The following PRSS37 variants were observed in gnomAD, a reference collection of about 807,000 sequenced individuals.
PRSS37 encodes the protein serine protease 37, also known as probable inactive serine protease 37.
Under a neutral mutation model 28.0 loss-of-function variants are expected in PRSS37, and 25 were observed. The ratio of observed to expected loss-of-function variants is 0.89; its 90% confidence interval spans 0.65 to 1.25. The LOEUF is 1.25. PRSS37 is among the 50% of genes most tolerant of loss of function. PRSS37 has a pLI of 0.00. For missense variants in PRSS37, 282 were observed against 292.2 expected, an observed-to-expected ratio of 0.97 and a Z score of 0.25; for synonymous variants, 109 against 107.8, an observed-to-expected ratio of 1.01 and a Z score of -0.07.
At chr7:141,837,748 T>C (rs1303904894) in intron 3 of PRSS37, 112 bp downstream of exon 3, 12 of 1,547,314 alleles carry the variant, frequency 7.8e-6, no homozygotes, top group South Asian at 1.2e-5. Flanking sequence ...AGCATCTCTA[T>C]TGGGTCTCCT....
intron 1 of PRSS37, among the ~76,000 whole-genome samples, chr7:141,840,343 T>C (rs1801113838): frequency 6.6e-6 from 1 of 152,204 alleles, no homozygotes; most frequent in Non-Finnish European, 1.5e-5. Flanking sequence ...CTCTTGCTAC[T>C]CCTGTTAACC....
In PRSS37 at chr7:141,836,459, A is replaced by G. The variant is rs367716414; in HGVS notation, c.644T>C (p.Val215Ala). 6.2e-7 allele frequency: 1 copy of G among 1,609,412 alleles called. No individual in the cohort carries two copies. Among genetic ancestry groups the G allele is most frequent in the East Asian group, 2.2e-5 (1 of 44,638 alleles). ...TTTGTAAACATTGGTGTAGATGCCG[A>G]CGTCCCCTCCCATGAAGTGCCCCAC... ...IEVGHFMGGD[V>A]GIYTNVYKYV... The change falls in exon 5 of 5, where the codon GTC becomes GCC. Residue 215 changes from valine (V) to alanine (A), a missense_variant. By Grantham distance (64) the Val-to-Ala change is moderately conservative (BLOSUM62 0). Transcript: ENST00000350549.
Position 141,838,076 on chromosome 7 carries a change from C to A in PRSS37, c.214G>T (p.Val72Phe). 3 of 1,614,090 alleles carry A rather than the reference C, an allele frequency of 1.9e-6. No homozygotes were observed. Among genetic ancestry groups the A allele is most frequent in the Non-Finnish European group, 2.5e-6 (3 of 1,180,034 alleles). The change falls in exon 3 of 5, where the codon GTC becomes TTC. Residue 72 changes from valine (V) to phenylalanine (F), a missense_variant. Transcript: ENST00000350549. ...KVMLGNFKSR[V>F]RDGTEQTINP... ...ATTGTCTGTTCAGTACCGTCTCTGA[C>A]TCTGCTCTTGAAATTTCCCAGCATC...
In PRSS37 at chr7:141,837,466, T is replaced by C. The variant is rs1352821573; in HGVS notation, c.431-218A>G. On this transcript the variant is annotated intron_variant, in intron 3 of 4. Transcript: ENST00000350549. ...TCTTTAAGGTAGAGTATATTTTTAA[T>C]TGGTGGCCTGTCTTGGAGAACTAAA... is the stretch of plus-strand genomic sequence containing the variant. 7.9e-6 allele frequency: 9 copies of C among 1,133,884 alleles called. No homozygotes were observed. In the Admixed American group the frequency reaches 9.1e-5, roughly 12 times the overall value. The allele number at this position is 1,133,884 out of a possible 1,614,324, so 70.2% of individuals were successfully genotyped here.
In PRSS37 at chr7:141,836,348, T is replaced by C. The variant is rs201120604; in HGVS notation, c.*47A>G. The C allele has an allele frequency of 6.3e-7, 1 of 1,591,960 alleles. No homozygotes were observed. Among genetic ancestry groups the C allele is most frequent in the Non-Finnish European group, 8.6e-7 (1 of 1,164,032 alleles). On this transcript the variant is annotated 3_prime_UTR_variant, in exon 5 of 5. Transcript: ENST00000350549. ...GAATAGAGGGAAAATTATCTGCTTG[T>C]ATAGTCCATGGCAGAGCCAGTGGAA...
intron 3 of PRSS37, chr7:141,837,536 G>A: frequency 6.9e-7 from 1 of 1,450,548 alleles, no homozygotes; most frequent in South Asian, 1.2e-5. Context: ...TGTGAAATGA[G>A]CATGTATGAG....
At chr7:141,840,625 C>A (rs2117273322) in intron 1 of PRSS37, among the ~76,000 whole-genome samples, 1 of 152,354 alleles carries the variant, frequency 6.6e-6, no homozygotes, top group African/African-American at 2.4e-5. Flanking sequence ...ACAACCTAGG[C>A]AGTCAGAGAA....
chr7:141,837,881 C>A lies in PRSS37; in HGVS notation c.409G>T (p.Asp137Tyr). The stretch of plus-strand genomic sequence containing the variant: ...TTACCACTGTTTTCTTGGCTCCAGT[C>A]CAAACCTGAGAGTAGACAGACAGTG... ...PGTVCLLSGL[D>Y]WSQENSGRHP... The change falls in exon 3 of 5, where the codon GAC becomes TAC. Residue 137 changes from aspartate to tyrosine, a missense_variant. Transcript: ENST00000350549. 1 of 1,612,820 alleles carries A rather than the reference C, an allele frequency of 6.2e-7. No homozygotes were observed. Among genetic ancestry groups the A allele is most frequent in the Non-Finnish European group, 8.5e-7 (1 of 1,179,048 alleles).
chr7:141,838,576 G>GACAAGAGA, intron 2 of PRSS37: 1 of 487,202 alleles, frequency 2.1e-6, no homozygotes. Flanking sequence ...TTAATCAGTG[G>GACAAGAGA]GCTCTCTTGT....
rs139546004 is a variant in PRSS37 at position 141,840,291 on chromosome 7, G to T, written c.34+725C>A. Among the ~76,000 whole-genome samples the T allele has an allele frequency of 2.7e-3, 412 of 152,280 alleles. 2 individuals carry two copies. Among genetic ancestry groups the T allele is most frequent in the African/African-American group, 9.0e-3 (375 of 41,558 alleles). On this transcript the variant is annotated intron_variant, in intron 1 of 4. Transcript: ENST00000350549. ...CTAGAGAATAAAGGGGAGGAAGGCT[G>T]ATTCTAGTATCAGAAATAAAGCCCT...
Position 141,836,412 on chromosome 7 carries a change from TGTTCTCAATCCA to T in PRSS37, c.679_690del (p.Trp227_Asn230del). 6.2e-7 allele frequency: 1 copy of T among 1,614,172 alleles called. No individual in the cohort carries two copies. The highest frequency in any genetic ancestry group is 8.5e-7 in the Non-Finnish European group (1 of 1,180,010). ...GTAGGGTCTCACTTGTCCTTAGCAG[TGTTCTCAATCCA>T]GGATACATATTTGTAAACATTGGTG... is the stretch of plus-strand genomic sequence containing the variant. On this transcript the variant is annotated inframe_deletion, in exon 5 of 5. Coordinates refer to ENST00000350549, the MANE Select transcript of PRSS37 (RefSeq NM_001008270.3).
At chr7:141,839,643 A>G (rs907348977) in intron 1 of PRSS37, among the ~76,000 whole-genome samples, 164 bp from the exon 2 acceptor site, 42 of 152,310 alleles carry the variant, frequency 2.8e-4, no homozygotes, top group Non-Finnish European at 5.3e-4. Flanking sequence ...TTAAAACGAT[A>G]TGCCATTTTA....
intron 2 of PRSS37, 136 bp downstream of exon 2, chr7:141,839,202 C>G (rs767808747): frequency 7.6e-5 from 60 of 787,736 alleles, no homozygotes; most frequent in Non-Finnish European, 1.1e-4. Context: ...AATAGCACTG[C>G]CCCCTGGTTG....
chr7:141,840,653 T>C (rs56197028), intron 1 of PRSS37, among the ~76,000 whole-genome samples: 23,858 of 152,172 alleles, frequency 0.16, 1,969 homozygotes, highest in East Asian at 0.24. Context: ...AAATGCCTCA[T>C]CTGCAAATTC....
At chr7:141,840,995 T>C (rs748369588) in intron 1 of PRSS37, 21 bp downstream of exon 1, 2 of 1,612,476 alleles carry the variant, frequency 1.2e-6, no homozygotes, top group Non-Finnish European at 1.7e-6. Context: ...CAGGACAGAG[T>C]ACAAGGTCTT....
At chr7:141,839,890 T>G (rs896828856) in intron 1 of PRSS37, among the ~76,000 whole-genome samples, 1 of 152,216 alleles carries the variant, frequency 6.6e-6, no homozygotes, top group Non-Finnish European at 1.5e-5. Context: ...ATGCTCATGT[T>G]AGCTATAACA....
intron 2 of PRSS37, chr7:141,838,509 G>A: frequency 9.5e-7 from 1 of 1,049,872 alleles, no homozygotes; most frequent in Non-Finnish European, 1.2e-6. Flanking sequence ...CCTAGCTGAT[G>A]CACTAACAGT....
chr7:141,839,216 C>A (rs1339831022), intron 2 of PRSS37, 122 bp downstream of exon 2: 1 of 1,038,854 alleles, frequency 9.6e-7, no homozygotes, highest in African/African-American at 1.6e-5. Context: ...CTGGTTGTGA[C>A]AACCAAAAAT....
At chr7:141,836,807 A>G (rs1185318464) in intron 4 of PRSS37, among the ~76,000 whole-genome samples, 4 of 152,140 alleles carry the variant, frequency 2.6e-5, no homozygotes, top group African/African-American at 9.7e-5. Flanking sequence ...TGGTGAAGGC[A>G]TTTTCTATTT....
Sources: gnomAD v4.1 joint callset for allele counts (sites outside exome capture counted in the v4.1 genomes callset) on GRCh38, gnomAD v4.1.1 for gene constraint, MANE v1.5 for transcripts, NCBI Gene and HGNC (gene_info 2026-07-23, HGNC 2026-07-21) for gene names.